TASP1: variants seen among roughly 807,000 people sequenced by gnomAD.
TASP1 encodes taspase 1, also known as threonine aspartase 1.
Under a neutral mutation model 56.6 loss-of-function variants are expected in TASP1, and 16 were observed. The observed-to-expected ratio is 0.28, with a 90% CI of 0.19 to 0.43. TASP1 has a LOEUF of 0.43. Among genes scored for constraint, TASP1 ranks in the 20% least tolerant of loss-of-function variants. The pLI, the probability that TASP1 is intolerant of heterozygous loss-of-function variation, is 1.00. For synonymous variants in TASP1, 179 were observed against 184.2 expected, an observed-to-expected ratio of 0.97 and a Z score of 0.23; for missense variants, 393 against 511.6, an observed-to-expected ratio of 0.77 and a Z score of 2.24.
chr20:13,320,249 G>A, the TASP1 span, among the ~76,000 whole-genome samples: 1 of 152,200 alleles, frequency 6.6e-6, no homozygotes, highest in African/African-American at 2.4e-5. Context: ...GTGGTAGAGT[G>A]TGAGTTGAGC....
At chr20:13,586,880 G>A (rs2047322613) in intron 5 of TASP1, among the ~76,000 whole-genome samples, 1 of 151,916 alleles carries the variant, frequency 6.6e-6, no homozygotes, top group African/African-American at 2.4e-5. Flanking sequence ...GATTTTTACT[G>A]GTTAAACCCC....
chr20:13,598,643 ACACCAAAAGCAATGG>A (rs2147337792), intron 4 of TASP1, among the ~76,000 whole-genome samples: 1 of 152,338 alleles, frequency 6.6e-6, no homozygotes, highest in East Asian at 1.9e-4. Flanking sequence ...CATAACTAAA[ACACCAAAAGCAATGG>A]CAACAAAAGC....
At chr20:13,127,750 A>C in the TASP1 span, among the ~76,000 whole-genome samples, 217 of 152,246 alleles carry the variant, frequency 1.4e-3, no homozygotes, top group Non-Finnish European at 2.2e-3. Flanking sequence ...TTTCTTTTTC[A>C]CTAAAGCAGG....
At chr20:13,611,563 T>C (rs1198241438) in intron 4 of TASP1, among the ~76,000 whole-genome samples, 1 of 152,202 alleles carries the variant, frequency 6.6e-6, no homozygotes, top group Non-Finnish European at 1.5e-5. Context: ...ATTAGTTTGG[T>C]AGAAATCCCT....
chr20:13,155,838 T>A, the TASP1 span, among the ~76,000 whole-genome samples: 1 of 152,024 alleles, frequency 6.6e-6, no homozygotes, highest in African/African-American at 2.4e-5. Flanking sequence ...AAAATAATAA[T>A]AATAATAAGT....
chr20:13,138,026 C>A, the TASP1 span, among the ~76,000 whole-genome samples: 77 of 152,314 alleles, frequency 5.1e-4, no homozygotes, highest in Non-Finnish European at 9.6e-4. Context: ...GTTCTTGCCA[C>A]CAACCCAGGG....
chr20:13,635,300 G>A (rs528967290), intron 1 of TASP1, among the ~76,000 whole-genome samples: 2 of 151,516 alleles, frequency 1.3e-5, no homozygotes, highest in Non-Finnish European at 2.9e-5. Flanking sequence ...TTGATCACCT[G>A]CTTTCCTTGG....
intron 4 of TASP1, among the ~76,000 whole-genome samples, chr20:13,612,496 A>T (rs2048381454): frequency 7.1e-6 from 1 of 141,222 alleles, no homozygotes; most frequent in Non-Finnish European, 1.6e-5. Flanking sequence ...TAGCAAACAC[A>T]CACACACACA....
chr20:13,520,436 T>C (rs958071952), intron 10 of TASP1, among the ~76,000 whole-genome samples: 24 of 152,042 alleles, frequency 1.6e-4, no homozygotes, highest in Admixed American at 7.9e-4. Flanking sequence ...TATAGACCAA[T>C]GGAACAGAAC....
intron 11 of TASP1, among the ~76,000 whole-genome samples, chr20:13,451,390 C>A (rs1334113501): frequency 2.0e-5 from 3 of 152,140 alleles, no homozygotes; most frequent in Non-Finnish European, 1.5e-5. Flanking sequence ...CATCTTCCAA[C>A]AGAAGGCCAT....
the TASP1 span, among the ~76,000 whole-genome samples, chr20:13,181,400 C>G: frequency 3.3e-5 from 5 of 152,248 alleles, no homozygotes; most frequent in South Asian, 1.0e-3. Flanking sequence ...TCCTGGCACC[C>G]AAATCCTTGT....
chr20:13,158,291 G>C, the TASP1 span, among the ~76,000 whole-genome samples: 2 of 152,098 alleles, frequency 1.3e-5, no homozygotes, highest in South Asian at 4.1e-4. Flanking sequence ...AAAATTTCCA[G>C]TGCAATCATA....
intron 12 of TASP1, among the ~76,000 whole-genome samples, chr20:13,419,343 G>A (rs1230886600): frequency 1.6e-4 from 24 of 152,062 alleles, no homozygotes; most frequent in Non-Finnish European, 5.9e-5. Context: ...TGGAAGGAAA[G>A]GAAAACACTG....
intron 13 of TASP1, among the ~76,000 whole-genome samples, chr20:13,413,763 C>A (rs958932126): frequency 6.6e-6 from 1 of 151,974 alleles, no homozygotes; most frequent in South Asian, 2.1e-4. Flanking sequence ...ACAATCGTTC[C>A]GGGAAGATCT....
chr20:13,456,796 A>T (rs2043856256), intron 11 of TASP1, among the ~76,000 whole-genome samples: 1 of 152,142 alleles, frequency 6.6e-6, no homozygotes, highest in South Asian at 2.1e-4. Context: ...GGAAAAATAA[A>T]ATAATAAAAT....
At chr20:13,223,114 G>A in the TASP1 span, among the ~76,000 whole-genome samples, 1 of 150,796 alleles carries the variant, frequency 6.6e-6, no homozygotes, top group African/African-American at 2.5e-5. Flanking sequence ...CTGAGATCGC[G>A]CCACTGCACT....
intron 12 of TASP1, among the ~76,000 whole-genome samples, chr20:13,429,263 G>A (rs1050110542): frequency 2.6e-5 from 4 of 152,168 alleles, no homozygotes; most frequent in Non-Finnish European, 5.9e-5. Flanking sequence ...CAGAGGATTC[G>A]AAGAAGATTC....
intron 13 of TASP1, among the ~76,000 whole-genome samples, chr20:13,407,367 T>TA (rs1804778234): frequency 6.6e-6 from 1 of 152,212 alleles, no homozygotes; most frequent in Non-Finnish European, 1.5e-5. Context: ...CCTAGAATAA[T>TA]GTTTTCAAGG....
At chr20:13,214,679 C>T in the TASP1 span, among the ~76,000 whole-genome samples, 1 of 152,090 alleles carries the variant, frequency 6.6e-6, no homozygotes, top group African/African-American at 2.4e-5. Context: ...TACAACATCA[C>T]CTCTGCTGCG....
Sources: gnomAD v4.1 joint callset for allele counts (sites outside exome capture counted in the v4.1 genomes callset) on GRCh38, gnomAD v4.1.1 for gene constraint, MANE v1.5 for transcripts, NCBI Gene and HGNC (gene_info 2026-07-23, HGNC 2026-07-21) for gene names.